Variants in SMARCAD1 observed in about 807,000 individuals in gnomAD.
The protein encoded by SMARCAD1 is SNF2 related chromatin remodeling ATPase with DExD box 1, also known as SWI/SNF-related matrix-associated actin-dependent regulator of chromatin subfamily A containing DEAD/H box 1.
A neutral mutation model predicts 127.1 loss-of-function variants in SMARCAD1; 25 were observed. The ratio of observed to expected loss-of-function variants is 0.20; its 90% CI spans 0.14 to 0.27. The LOEUF is 0.27. Ranked by LOEUF, SMARCAD1 falls within the 10% of genes least tolerant of loss-of-function variation. The probability of loss-of-function intolerance (pLI) is 1.00; values close to 1 mark genes in which losing one functional copy is unlikely to be tolerated. For missense variants in SMARCAD1, 807 were observed against 1,206.0 expected (o/e 0.67, Z 4.90); for synonymous variants, 400 against 396.9 (o/e 1.01, Z -0.09).
At chr4:94,235,705 T>C (rs989698816) in intron 4 of SMARCAD1, among the ~76,000 whole-genome samples, 1 of 151,342 alleles carries the variant, frequency 6.6e-6, no homozygotes, top group African/African-American at 2.4e-5. Context: ...TTTAAAGCAG[T>C]AATAAGGAAA....
At chr4:94,218,075 CAT>C (rs1004758683) in intron 2 of SMARCAD1, among the ~76,000 whole-genome samples, 1 of 152,098 alleles carries the variant, frequency 6.6e-6, no homozygotes, top group African/African-American at 2.4e-5. Flanking sequence ...GTTAATGCTT[CAT>C]ATTTGTCTCT....
chr4:94,240,219 A>T (rs1747367553), intron 5 of SMARCAD1, among the ~76,000 whole-genome samples: 1 of 152,206 alleles, frequency 6.6e-6, no homozygotes, highest in African/African-American at 2.4e-5. Flanking sequence ...AAGCAAAAGT[A>T]TTTAAGAAGT....
intron 3 of SMARCAD1, among the ~76,000 whole-genome samples, chr4:94,231,864 C>T (rs550342430): frequency 1.3e-5 from 2 of 151,970 alleles, no homozygotes; most frequent in South Asian, 4.2e-4. Context: ...TTTTCTTTTT[C>T]TTTCCTTTTT....
chr4:94,214,333 A>C (rs542020624), intron 2 of SMARCAD1, among the ~76,000 whole-genome samples: 1 of 148,506 alleles, frequency 6.7e-6, no homozygotes, highest in Non-Finnish European at 1.5e-5. Context: ...CGCAATCTCA[A>C]CTCACTGCAA....
At chr4:94,251,753 G>T (rs1749303482) in intron 8 of SMARCAD1, among the ~76,000 whole-genome samples, 1 of 152,146 alleles carries the variant, frequency 6.6e-6, no homozygotes, top group South Asian at 2.1e-4. Context: ...TAAAATAATG[G>T]TGTTACCTTC....
chr4:94,217,514 TA>T (rs1298602739), intron 2 of SMARCAD1, among the ~76,000 whole-genome samples: 2 of 152,324 alleles, frequency 1.3e-5, no homozygotes, highest in African/African-American at 4.8e-5. Context: ...TGTCTCTTTT[TA>T]AAAAATTTCC....
chr4:94,219,743 C>G (rs1254328837), intron 2 of SMARCAD1, among the ~76,000 whole-genome samples: 1 of 152,140 alleles, frequency 6.6e-6, no homozygotes, highest in Admixed American at 6.5e-5. Context: ...GCTGTTTTCC[C>G]TCCTGTTCAT....
chr4:94,255,448 A>C (rs1328489539), intron 9 of SMARCAD1, among the ~76,000 whole-genome samples: 1 of 152,040 alleles, frequency 6.6e-6, no homozygotes, highest in African/African-American at 2.4e-5. Context: ...TTATTATAAA[A>C]GTAATTTGAA....
intron 9 of SMARCAD1, among the ~76,000 whole-genome samples, chr4:94,262,892 A>T (rs1476893130): frequency 1.1e-5 from 1 of 93,034 alleles, no homozygotes; most frequent in African/African-American, 4.2e-5. Flanking sequence ...TTTCTGTTAA[A>T]AAAAAAAAAA....
chr4:94,208,507 T>C lies in SMARCAD1; in HGVS notation c.113T>C (p.Leu38Pro). The C allele has an allele frequency of 1.2e-6, 2 of 1,614,092 alleles. No individual in the cohort carries two copies. Among genetic ancestry groups the C allele is most frequent in the Non-Finnish European group, 1.7e-6 (2 of 1,180,018 alleles). Residue 38 changes from leucine to proline, a missense_variant, in exon 2 of 24, where the codon CTT (leucine) becomes CCT (proline). Leu to Pro is a moderately conservative substitution (Grantham distance 98). Transcript: ENST00000354268. ...SQPGPSSPIS[L>P]SAEEENAEGE... ...CCTGGCCCTTCTTCACCAATTTCTC[T>C]TAGTGCTGAAGAGGAGAATGCTGAA...
At chr4:94,236,370 A>G (rs1746651125) in intron 4 of SMARCAD1, among the ~76,000 whole-genome samples, 2 of 152,200 alleles carry the variant, frequency 1.3e-5, no homozygotes, top group Non-Finnish European at 2.9e-5. Context: ...GAATGATGTC[A>G]TGCAAGCAAT....
chr4:94,282,111 T>TTTTG (rs1754160327), intron 21 of SMARCAD1, among the ~76,000 whole-genome samples: 2 of 90,848 alleles, frequency 2.2e-5, no homozygotes, highest in Non-Finnish European at 4.5e-5. Flanking sequence ...TTTTTTTTTT[T>TTTTG]TTTTTTGAGA....
chr4:94,214,724 A>C (rs1055377442), intron 2 of SMARCAD1, among the ~76,000 whole-genome samples: 5 of 152,188 alleles, frequency 3.3e-5, no homozygotes, highest in Non-Finnish European at 5.9e-5. Flanking sequence ...GGGATAATTG[A>C]AGGAGATAAA....
chr4:94,234,913 G>A (rs960252969), intron 4 of SMARCAD1, among the ~76,000 whole-genome samples: 1 of 152,120 alleles, frequency 6.6e-6, no homozygotes, highest in Non-Finnish European at 1.5e-5. Flanking sequence ...ATACTATAGA[G>A]TACATATTCT....
intron 2 of SMARCAD1, among the ~76,000 whole-genome samples, chr4:94,218,432 A>G (rs1286471117): frequency 2.0e-5 from 3 of 152,096 alleles, no homozygotes; most frequent in Non-Finnish European, 2.9e-5. Flanking sequence ...AGCTGGTACC[A>G]CAGGCATGCA....
chr4:94,256,151 T>C (rs890867828), intron 9 of SMARCAD1, among the ~76,000 whole-genome samples: 6 of 152,108 alleles, frequency 3.9e-5, no homozygotes, highest in Non-Finnish European at 7.4e-5. Flanking sequence ...TTAATCAGAG[T>C]AGTAATGTTT....
Position 94,208,388 on chromosome 4 carries a change from T to A in SMARCAD1, c.-7T>A. ...CCCATCCCTGCAAGGTGGTGCTTTCTACCAATATGAATCTTTTCAACCTGG... is the reference window on the plus strand; with the variant it reads ...CCCATCCCTGCAAGGTGGTGCTTTCAACCAATATGAATCTTTTCAACCTGG... On this transcript the variant is annotated 5_prime_UTR_variant, in exon 2 of 24. Coordinates refer to ENST00000354268, the MANE Select transcript of SMARCAD1 (RefSeq NM_020159.5). 6.2e-7 allele frequency: 1 copy of A among 1,614,064 alleles called. No individual in the cohort carries two copies. Among genetic ancestry groups the A allele is most frequent in the Non-Finnish European group, 8.5e-7 (1 of 1,180,008 alleles).
At chr4:94,269,533 CTACTT>C (rs1752233832) in intron 10 of SMARCAD1, among the ~76,000 whole-genome samples, 1 of 148,854 alleles carries the variant, frequency 6.7e-6, no homozygotes, top group Non-Finnish European at 1.5e-5. Context: ...ATGATAGTAA[CTACTT>C]TATGGGATTT....
chr4:94,208,876 T>C (rs1741706382), intron 2 of SMARCAD1, among the ~76,000 whole-genome samples: 1 of 152,196 alleles, frequency 6.6e-6, no homozygotes, highest in African/African-American at 2.4e-5. Flanking sequence ...GGAAGAGCGA[T>C]GTCAGTGATT....
Sources: allele counts gnomAD v4.1 joint callset (sites outside exome capture counted in the v4.1 genomes callset), GRCh38; gene constraint gnomAD v4.1.1; transcripts MANE v1.5; gene names NCBI Gene and HGNC (gene_info 2026-07-23, HGNC 2026-07-21).